Variants in RABGAP1L observed in about 807,000 individuals in gnomAD.
RABGAP1L encodes the protein RAB GTPase activating protein 1 like.
A neutral mutation model predicts 137.7 loss-of-function variants in RABGAP1L; 63 were observed. The observed-to-expected ratio is 0.46, with a 90% confidence interval of 0.37 to 0.56. The LOEUF (loss-of-function observed/expected upper bound fraction) is 0.56. RABGAP1L is among the 20% of genes least tolerant of loss of function. The pLI is 0.00. For synonymous variants in RABGAP1L, 431 were observed against 433.7 expected (o/e 0.99, Z 0.08); for missense variants, 1,095 against 1,244.0 (o/e 0.88, Z 1.80).
intron 13 of RABGAP1L, among the ~76,000 whole-genome samples, chr1:174,483,948 G>T (rs1179132659): frequency 6.6e-6 from 1 of 152,106 alleles, no homozygotes; most frequent in Non-Finnish European, 1.5e-5. Context: ...GGATCATATG[G>T]TAGCTCTATT....
intron 18 of RABGAP1L, among the ~76,000 whole-genome samples, chr1:174,794,622 G>A (rs1688105988): frequency 6.6e-6 from 1 of 152,130 alleles, no homozygotes; most frequent in Non-Finnish European, 1.5e-5. Flanking sequence ...GCAATGCCCT[G>A]TTTTGGTCTT....
intron 14 of RABGAP1L, among the ~76,000 whole-genome samples, chr1:174,650,978 A>G (rs960207379): frequency 1.1e-4 from 17 of 148,526 alleles, no homozygotes; most frequent in Non-Finnish European, 1.3e-4. Context: ...ATTTAGTGCT[A>G]TAAATTTCCC....
At chr1:174,800,923 T>C (rs1410005694) in intron 18 of RABGAP1L, among the ~76,000 whole-genome samples, 2 of 152,234 alleles carry the variant, frequency 1.3e-5, no homozygotes, top group Non-Finnish European at 2.9e-5. Flanking sequence ...CCCATTAGAT[T>C]GCCAATTTGA....
At chr1:174,320,539 A>T (rs1175799856) in intron 11 of RABGAP1L, among the ~76,000 whole-genome samples, 2 of 152,164 alleles carry the variant, frequency 1.3e-5, no homozygotes, top group East Asian at 1.9e-4. Flanking sequence ...GAAGTCAGGG[A>T]CCCTGAATGG....
At chr1:174,710,685 A>G (rs1016568582) in intron 17 of RABGAP1L, among the ~76,000 whole-genome samples, 6 of 152,324 alleles carry the variant, frequency 3.9e-5, no homozygotes, top group African/African-American at 1.4e-4. Flanking sequence ...AGCACTAAAT[A>G]TGGAAAGACC....
chr1:174,336,138 G>A (rs1681446083), intron 11 of RABGAP1L, among the ~76,000 whole-genome samples: 1 of 152,050 alleles, frequency 6.6e-6, no homozygotes, highest in South Asian at 2.1e-4. Context: ...TTTGAGACAG[G>A]GTCTTACTCT....
rs200615567 is a variant in RABGAP1L at position 174,238,100 on chromosome 1, G to A, written c.543-3383G>A. ...CTTCTGCATTATTCACGTAGTTCTC[G>A]AGCCTTGGTTTTCAGCTCCATCAGC... On this transcript the variant is annotated intron_variant, in intron 4 of 25. Transcript: ENST00000681986. Among the ~76,000 whole-genome samples the A allele has an allele frequency of 2.0e-4, 30 of 152,062 alleles. 2 individuals carry two copies. The East Asian group carries it at 4.3e-3, about 22-fold the overall frequency.
At chr1:174,891,810 T>G (rs1656190297) in intron 19 of RABGAP1L, among the ~76,000 whole-genome samples, 1 of 152,186 alleles carries the variant, frequency 6.6e-6, no homozygotes, top group African/African-American at 2.4e-5. Context: ...CAGCCTTTTC[T>G]TGGATTTAAA....
chr1:174,611,536 C>T (rs1383635248), intron 13 of RABGAP1L, among the ~76,000 whole-genome samples: 2 of 148,392 alleles, frequency 1.3e-5, no homozygotes, highest in East Asian at 2.0e-4. Context: ...CTTGGCGATG[C>T]GGGCTCTTTT....
chr1:174,422,782 T>C (rs143172441), intron 13 of RABGAP1L, among the ~76,000 whole-genome samples: 2,506 of 151,998 alleles, frequency 0.016, 46 homozygotes, highest in African/African-American at 0.058. Context: ...ACTCTGTCTC[T>C]ACTAAAAATA....
rs1553267190 is a variant in RABGAP1L, at chr1:174,863,240, A to AAAAAAAAG, written c.2340+51287_2340+51288insGAAAAAAA. Reference sequence around the variant, plus strand: ...TACATGAGTTGTTTGTAGCAAAAAAAAAAAAAAAGAAAAACAGTATATTTA... The same window carrying AAAAAAAAG: ...TACATGAGTTGTTTGTAGCAAAAAAAAAAAAAAGAAAAAAAAGAAAAACAGTATATTTA... On this transcript the variant is annotated intron_variant, in intron 19 of 25. Coordinates refer to ENST00000681986, the MANE Select transcript of RABGAP1L (RefSeq NM_001366446.1). Among the ~76,000 whole-genome samples, 7 of 150,072 alleles carry AAAAAAAAG rather than the reference A, an allele frequency of 4.7e-5. 1 individual carries two copies. The highest frequency in any genetic ancestry group is 7.4e-5 in the Non-Finnish European group (5 of 67,584).
At chr1:174,589,314 A>T (rs556067085) in intron 13 of RABGAP1L, among the ~76,000 whole-genome samples, 1 of 151,732 alleles carries the variant, frequency 6.6e-6, no homozygotes, top group Admixed American at 6.6e-5. Flanking sequence ...TTTTTTTTCT[A>T]TTGAGTTGTT....
At chr1:174,982,706 CTAT>C in intron 23 of RABGAP1L, 125 bp from the exon 24 acceptor site, 1 of 886,338 alleles carries the variant, frequency 1.1e-6, no homozygotes, top group East Asian at 2.8e-5. Flanking sequence ...ATTTGCAGTG[CTAT>C]TCATTTGTAA....
intron 11 of RABGAP1L, among the ~76,000 whole-genome samples, chr1:174,359,186 A>G (rs548486514): frequency 7.1e-6 from 1 of 141,052 alleles, no homozygotes; most frequent in South Asian, 2.3e-4. Context: ...CTTCTTTGTC[A>G]TGTTCTACTT....
At position 174,448,109 on chromosome 1, in the gene RABGAP1L, G is replaced by A. The variant is rs545506537; in HGVS notation, c.1710+53964G>A. On this transcript the variant is annotated intron_variant, in intron 13 of 25. Coordinates refer to ENST00000681986, the MANE Select transcript of RABGAP1L (RefSeq NM_001366446.1). The surrounding 1 kb of genome is among the most constrained non-coding windows in gnomAD (Gnocchi z 4.2). The stretch of plus-strand genomic sequence containing the variant: ...TCTGCAGGTGTCTTTAAATTTCCAA[G>A]CCATGAATGAATCCAGGTGGACTGA... The A allele has an allele frequency of 6.2e-7, 1 of 1,605,798 alleles. No individual in the cohort carries two copies. The highest frequency in any genetic ancestry group is 1.3e-5 in the African/African-American group (1 of 74,808).
chr1:174,375,690 A>T (rs1224721594), intron 12 of RABGAP1L, among the ~76,000 whole-genome samples: 2 of 152,212 alleles, frequency 1.3e-5, no homozygotes, highest in Non-Finnish European at 2.9e-5. Context: ...GTATTAGTTG[A>T]CAAAATTGAA....
At chr1:174,268,644 T>C (rs1674285302) in intron 7 of RABGAP1L, among the ~76,000 whole-genome samples, 1 of 152,212 alleles carries the variant, frequency 6.6e-6, no homozygotes, top group Non-Finnish European at 1.5e-5. Context: ...GTAAAAGTTT[T>C]TAAAAAATTA....
intron 13 of RABGAP1L, among the ~76,000 whole-genome samples, chr1:174,625,050 T>G (rs1672843278): frequency 1.3e-5 from 2 of 152,076 alleles, no homozygotes; most frequent in African/African-American, 4.8e-5. Context: ...TTTTGTATTT[T>G]TTTAGTAGAG....
intron 13 of RABGAP1L, among the ~76,000 whole-genome samples, chr1:174,635,566 A>G (rs755418979): frequency 4.6e-4 from 70 of 152,174 alleles, no homozygotes; most frequent in Admixed American, 9.2e-4. Flanking sequence ...TTTCTTTATC[A>G]TTAGAAACTA....
Sources: gnomAD v4.1 joint callset for allele counts (sites outside exome capture counted in the v4.1 genomes callset) on GRCh38, gnomAD v4.1.1 for gene constraint, Gnocchi (gnomAD v3.1) non-coding constraint, MANE v1.5 for transcripts, NCBI Gene and HGNC (gene_info 2026-07-23, HGNC 2026-07-21) for gene names.